SEMA3A: variants seen among roughly 807,000 people sequenced by gnomAD.
The protein encoded by SEMA3A is semaphorin 3A.
A neutral mutation model predicts 97.9 loss-of-function variants in SEMA3A; 29 were observed. The observed-to-expected ratio is 0.30, with a 90% CI of 0.22 to 0.40. The LOEUF (loss-of-function observed/expected upper bound fraction) is 0.40. SEMA3A is among the 10% of genes least tolerant of loss of function. The pLI, the probability that SEMA3A is intolerant of heterozygous loss-of-function variation, is 1.00. For synonymous variants in SEMA3A, 321 were observed against 323.7 expected, an observed-to-expected ratio of 0.99 and a Z score of 0.09; for missense variants, 763 against 951.3, an observed-to-expected ratio of 0.80 and a Z score of 2.60.
intron 2 of SEMA3A, among the ~76,000 whole-genome samples, chr7:84,318,980 C>T (rs954401261): frequency 2.6e-5 from 4 of 152,094 alleles, no homozygotes; most frequent in African/African-American, 9.7e-5. Context: ...GTATCAGGCA[C>T]CAAGGCGCAG....
chr7:84,090,839 G>A (rs1794543096), intron 4 of SEMA3A, among the ~76,000 whole-genome samples: 1 of 151,662 alleles, frequency 6.6e-6, no homozygotes, highest in Non-Finnish European at 1.5e-5. Context: ...GGCCGAGGCA[G>A]GTGGATCTCT....
chr7:84,014,261 T>C lies in SEMA3A; in HGVS notation c.758A>G (p.Asp253Gly), dbSNP rs1289260915. 1 of 1,613,456 alleles carries C rather than the reference T, an allele frequency of 6.2e-7. No individual in the cohort carries two copies. The highest frequency in any genetic ancestry group is 1.7e-5 in the Admixed American group (1 of 60,002). ...AGTAGCTTTTCCAGAGTGTTCTCCA[T>C]CTATTGCATTTTCACGGAAGAAAAA... ...VYFFFRENAIDGEHSGKATHA... is the reference protein window; with the variant it reads ...VYFFFRENAIGGEHSGKATHA... Residue 253 changes from aspartate (D) to glycine (G), a missense_variant, in exon 7 of 17, where the codon GAT becomes GGT. Asp to Gly is a moderately conservative substitution (Grantham distance 94). This residue lies in a region of SEMA3A where 678 missense variants were observed against 881.3 expected (regional missense o/e 0.77). Transcript: ENST00000265362.
At chr7:84,327,618 TA>T (rs1237911390) in intron 2 of SEMA3A, among the ~76,000 whole-genome samples, 9 of 152,010 alleles carry the variant, frequency 5.9e-5, no homozygotes, top group Non-Finnish European at 1.0e-4. Context: ...ATGAGATCTT[TA>T]AAAAAATCTA....
At chr7:84,375,524 ATTCT>A (rs1483334200) in intron 1 of SEMA3A, among the ~76,000 whole-genome samples, 2 of 152,050 alleles carry the variant, frequency 1.3e-5, no homozygotes, top group Admixed American at 6.6e-5. Flanking sequence ...TGTGGTAGGT[ATTCT>A]TTCTTTTATT....
At chr7:84,227,998 A>T (rs1799029685) in intron 3 of SEMA3A, among the ~76,000 whole-genome samples, 1 of 152,008 alleles carries the variant, frequency 6.6e-6, no homozygotes, top group African/African-American at 2.4e-5. Context: ...GAGATTAAAA[A>T]AATGATTAAA....
chr7:84,419,354 T>C (rs1275419851), intron 1 of SEMA3A, among the ~76,000 whole-genome samples: 1 of 152,160 alleles, frequency 6.6e-6, no homozygotes, highest in Non-Finnish European at 1.5e-5. Context: ...ATATCTTAAA[T>C]GATACAGCTA....
At chr7:84,073,195 A>G (rs938464691) in intron 4 of SEMA3A, among the ~76,000 whole-genome samples, 3 of 152,118 alleles carry the variant, frequency 2.0e-5, no homozygotes, top group Admixed American at 1.3e-4. Flanking sequence ...GTTCTGTTTT[A>G]GTATATAAAT....
chr7:84,225,701 C>T (rs1324396308), intron 3 of SEMA3A, among the ~76,000 whole-genome samples: 1 of 152,024 alleles, frequency 6.6e-6, no homozygotes, highest in East Asian at 1.9e-4. Flanking sequence ...GGAGGCAACA[C>T]AAAGACACTC....
At chr7:84,133,194 C>T (rs1458993589) in intron 2 of SEMA3A, among the ~76,000 whole-genome samples, 1 of 151,856 alleles carries the variant, frequency 6.6e-6, no homozygotes, top group Non-Finnish European at 1.5e-5. Context: ...ATAGAAATAC[C>T]CGAAGTGATT....
intron 4 of SEMA3A, among the ~76,000 whole-genome samples, chr7:84,067,293 A>T (rs1793550875): frequency 6.6e-6 from 1 of 152,154 alleles, no homozygotes; most frequent in Admixed American, 6.6e-5. Flanking sequence ...AAAGACTTAA[A>T]CGTTTGACCT....
intron 3 of SEMA3A, among the ~76,000 whole-genome samples, chr7:84,120,779 C>T (rs550466927): frequency 1.3e-5 from 2 of 152,148 alleles, no homozygotes; most frequent in African/African-American, 2.4e-5. Context: ...TGGGGTTTTA[C>T]CCTATTTGTA....
At chr7:84,067,254 C>G (rs554760614) in intron 4 of SEMA3A, among the ~76,000 whole-genome samples, 2 of 151,966 alleles carry the variant, frequency 1.3e-5, no homozygotes, top group South Asian at 2.1e-4. Context: ...TTCCTTACAC[C>G]TTATACAAAA....
In SEMA3A at chr7:84,467,486, C is replaced by T. The variant is rs187926833; in HGVS notation, c.-246+24974G>A. Among the ~76,000 whole-genome samples the T allele has an allele frequency of 8.8e-4, 126 of 143,788 alleles. 1 individual carries two copies. Among genetic ancestry groups the T allele is most frequent in the Middle Eastern group, 3.8e-3 (1 of 264 alleles). 94.3% of individuals were successfully genotyped at this position (143,788 alleles called of 152,430 possible). On this transcript the variant is annotated intron_variant, in intron 1 of 3. Coordinates refer to the SEMA3A transcript ENST00000424555. ...GCAGACAGCTGAGGATGCGCCACTG[C>T]ACTGCATTCCAGCCTGGGTGACAGA...
chr7:84,069,526 A>C (rs1159955879), intron 4 of SEMA3A, among the ~76,000 whole-genome samples: 1 of 152,162 alleles, frequency 6.6e-6, no homozygotes, highest in Non-Finnish European at 1.5e-5. Flanking sequence ...GCATGTTTGA[A>C]ATATCTGTAA....
chr7:84,104,676 C>T (rs1428683033), intron 4 of SEMA3A, among the ~76,000 whole-genome samples: 1 of 152,004 alleles, frequency 6.6e-6, no homozygotes, highest in Non-Finnish European at 1.5e-5. Context: ...ACTTAGGTCA[C>T]TTTACTCCCT....
intron 6 of SEMA3A, among the ~76,000 whole-genome samples, chr7:84,024,492 G>A (rs1448936498): frequency 4.2e-4 from 6 of 14,396 alleles, no homozygotes; most frequent in African/African-American, 1.3e-3. Flanking sequence ...GTTGCAGTGT[G>A]CTGAGACCGC....
chr7:84,408,357 C>T (rs1804162336), intron 1 of SEMA3A, among the ~76,000 whole-genome samples: 1 of 152,050 alleles, frequency 6.6e-6, no homozygotes. Flanking sequence ...CATCTCACAC[C>T]AGTTAGAATG....
In SEMA3A at chr7:84,299,389, C is replaced by T. The variant is rs1800952367; in HGVS notation, c.-83+7818G>A. On this transcript the variant is annotated intron_variant, in intron 3 of 3. Transcript: ENST00000424555. ...CCCTCTATATATATATATATATACACACATCTCCTACTAGTTCTGTGCCTC... is the reference window on the plus strand; with the variant it reads ...CCCTCTATATATATATATATATACATACATCTCCTACTAGTTCTGTGCCTC... 3.4e-5 allele frequency among the ~76,000 whole-genome samples: 5 copies of T among 148,620 alleles called. No homozygotes were observed. The South Asian group carries it at 8.5e-4, about 25-fold the overall frequency.
chr7:84,220,891 G>T (rs1798863184), intron 3 of SEMA3A, among the ~76,000 whole-genome samples: 1 of 152,218 alleles, frequency 6.6e-6, no homozygotes, highest in East Asian at 1.9e-4. Context: ...TGACCCTCAA[G>T]TTGAAATCAC....
Sources: allele counts gnomAD v4.1 joint callset (sites outside exome capture counted in the v4.1 genomes callset), GRCh38; gene constraint gnomAD v4.1.1; regional missense constraint gnomAD v4.1.1; transcripts MANE v1.5; gene names NCBI Gene and HGNC (gene_info 2026-07-23, HGNC 2026-07-21).